The following ATRNL1 variants were observed in gnomAD, a reference collection of about 807,000 sequenced individuals.
ATRNL1 encodes attractin like 1.
Under a neutral mutation model 182.7 loss-of-function variants are expected in ATRNL1, and 95 were observed. That is an observed-to-expected ratio of 0.52 (90% CI 0.44 to 0.62). The LOEUF is 0.62. Ranked by LOEUF, ATRNL1 falls within the 20% of genes least tolerant of loss-of-function variation. The probability of loss-of-function intolerance (pLI) is 0.00; values close to 1 mark genes in which losing one functional copy is unlikely to be tolerated. For synonymous variants in ATRNL1, 576 were observed against 568.3 expected (o/e 1.01, Z -0.19); for missense variants, 1,471 against 1,679.5 (o/e 0.88, Z 2.17).
chr10:115,158,489 A>G (rs1038319039), intron 5 of ATRNL1, among the ~76,000 whole-genome samples: 1 of 152,076 alleles, frequency 6.6e-6, no homozygotes, highest in African/African-American at 2.4e-5. Flanking sequence ...GGAATAGTTC[A>G]CAGTCTTTTC....
chr10:115,697,501 T>C (rs1946601611), intron 26 of ATRNL1, among the ~76,000 whole-genome samples: 1 of 152,196 alleles, frequency 6.6e-6, no homozygotes, highest in Admixed American at 6.5e-5. Flanking sequence ...AATTTTTGTA[T>C]TTTTTGTAAA....
At chr10:115,287,654 G>C (rs1283261526) in intron 15 of ATRNL1, among the ~76,000 whole-genome samples, 2 of 151,988 alleles carry the variant, frequency 1.3e-5, no homozygotes, top group African/African-American at 4.8e-5. Flanking sequence ...GAGCAAATCA[G>C]GGAAATTAGC....
chr10:115,249,022 T>C (rs1850761529), intron 10 of ATRNL1, among the ~76,000 whole-genome samples: 1 of 152,108 alleles, frequency 6.6e-6, no homozygotes, highest in Non-Finnish European at 1.5e-5. Context: ...TTTATTTTTT[T>C]TTGAGTTGGA....
At chr10:115,588,563 C>T (rs552134735) in intron 26 of ATRNL1, among the ~76,000 whole-genome samples, 7 of 152,134 alleles carry the variant, frequency 4.6e-5, no homozygotes, top group Non-Finnish European at 1.0e-4. Context: ...GGAGGAACAA[C>T]AAAAATTGGG....
intron 25 of ATRNL1, 131 bp from the exon 26 acceptor site, chr10:115,549,327 A>G (rs1425354587): frequency 1.4e-5 from 7 of 484,658 alleles, no homozygotes; most frequent in African/African-American, 4.0e-5. Context: ...GAAATTTATC[A>G]TATTTTTGAT....
chr10:115,626,376 A>T (rs1858103126), intron 26 of ATRNL1, among the ~76,000 whole-genome samples: 1 of 152,172 alleles, frequency 6.6e-6, no homozygotes, highest in Admixed American at 6.5e-5. Flanking sequence ...TCTGGTAATC[A>T]TCATACTTAG....
At chr10:115,201,482 T>C (rs1216997726) in intron 8 of ATRNL1, among the ~76,000 whole-genome samples, 3 of 152,194 alleles carry the variant, frequency 2.0e-5, no homozygotes, top group African/African-American at 7.2e-5. Context: ...ATTTATTAAA[T>C]AGGGAATCCT....
At chr10:115,766,908 T>C (rs1246278688) in intron 27 of ATRNL1, among the ~76,000 whole-genome samples, 1 of 152,168 alleles carries the variant, frequency 6.6e-6, no homozygotes, top group Non-Finnish European at 1.5e-5. Context: ...TTGTGTTACC[T>C]TGGGGAAGTC....
chr10:115,153,899 A>G (rs1290447541), intron 5 of ATRNL1, among the ~76,000 whole-genome samples: 1 of 151,688 alleles, frequency 6.6e-6, no homozygotes, highest in Non-Finnish European at 1.5e-5. Flanking sequence ...AATGTGTCCC[A>G]GAGATTGTGT....
chr10:115,148,704 G>A (rs1406366568), intron 5 of ATRNL1, among the ~76,000 whole-genome samples: 3 of 151,192 alleles, frequency 2.0e-5, no homozygotes, highest in African/African-American at 4.9e-5. Context: ...TGCAGAGAGA[G>A]TGGTGTTCCG....
intron 19 of ATRNL1, among the ~76,000 whole-genome samples, chr10:115,388,828 A>G (rs1843813529): frequency 6.6e-6 from 1 of 151,962 alleles, no homozygotes; most frequent in Non-Finnish European, 1.5e-5. Flanking sequence ...ATTTTAATTG[A>G]CAAATAATAA....
intron 26 of ATRNL1, among the ~76,000 whole-genome samples, chr10:115,624,167 A>T (rs575391727): frequency 6.6e-6 from 1 of 152,134 alleles, no homozygotes; most frequent in South Asian, 2.1e-4. Flanking sequence ...GACCCACTAA[A>T]GTCATGATAC....
Position 115,244,506 on chromosome 10 carries a change from TA to T in ATRNL1, c.1687+2785del, listed in dbSNP as rs573494289. ...TTGGATACTGGGCATCTATGTTTTT[TA>T]AAAGTGACTAAAGTGCAGCTGATAA... On this transcript the variant is annotated intron_variant, in intron 10 of 28. Transcript: ENST00000355044. Among the ~76,000 whole-genome samples the T allele has an allele frequency of 3.6e-3, 552 of 152,268 alleles. 2 individuals carry two copies. The highest frequency in any genetic ancestry group is 0.014 in the Middle Eastern group (4 of 294).
In ATRNL1 at chr10:115,399,985, G is replaced by C. The variant is rs189969727; in HGVS notation, c.3269+5233G>C. On this transcript the variant is annotated intron_variant, in intron 20 of 28. Transcript: ENST00000355044. The stretch of plus-strand genomic sequence containing the variant: ...TGCACAGCAAAATAAAGCATTAACA[G>C]AGTAAACAGCCTACAGAATTGGAGA... 4.6e-5 allele frequency among the ~76,000 whole-genome samples: 7 copies of C among 152,138 alleles called. No individual in the cohort carries two copies. The East Asian group carries it at 1.4e-3, about 29-fold the overall frequency.
At chr10:115,698,086 A>G (rs1946619233) in intron 26 of ATRNL1, among the ~76,000 whole-genome samples, 1 of 152,194 alleles carries the variant, frequency 6.6e-6, no homozygotes, top group South Asian at 2.1e-4. Context: ...TTAACCCTTT[A>G]TAGATACTTT....
intron 24 of ATRNL1, among the ~76,000 whole-genome samples, chr10:115,481,080 C>A (rs576134059): frequency 6.7e-6 from 1 of 150,226 alleles, no homozygotes; most frequent in Non-Finnish European, 1.5e-5. Flanking sequence ...AATTTTAATG[C>A]GGTTTTGTTA....
intron 26 of ATRNL1, among the ~76,000 whole-genome samples, chr10:115,722,579 CAGAA>C (rs200147935): frequency 0.01 from 1,561 of 152,208 alleles, 20 homozygotes; most frequent in Non-Finnish European, 0.012. Context: ...GTGTTAATAA[CAGAA>C]AGCCTCTTAT....
chr10:115,561,924 T>A (rs889394567), intron 26 of ATRNL1, among the ~76,000 whole-genome samples: 5 of 152,146 alleles, frequency 3.3e-5, no homozygotes, highest in African/African-American at 9.7e-5. Context: ...CACACATTGT[T>A]GTTGAATATT....
chr10:115,168,818 A>G (rs1847164042), intron 7 of ATRNL1, among the ~76,000 whole-genome samples: 1 of 151,942 alleles, frequency 6.6e-6, no homozygotes, highest in Non-Finnish European at 1.5e-5. Flanking sequence ...ATCTTGATAA[A>G]GTCCAATTTA....
Sources: gnomAD v4.1 joint callset for allele counts (sites outside exome capture counted in the v4.1 genomes callset) on GRCh38, gnomAD v4.1.1 for gene constraint, MANE v1.5 for transcripts, NCBI Gene and HGNC (gene_info 2026-07-23, HGNC 2026-07-21) for gene names.